ADGRE3: variants seen among roughly 807,000 people sequenced by gnomAD.
ADGRE3 encodes the protein EGF-like module receptor 3.
In ADGRE3, 88 loss-of-function variants were observed where a neutral mutation model predicts 80.1. That is an observed-to-expected ratio of 1.10 (90% CI 0.93 to 1.31). The LOEUF is 1.31. ADGRE3 is among the 40% of genes most tolerant of loss of function. The probability of loss-of-function intolerance (pLI) is 0.00; values close to 1 mark genes in which losing one functional copy is unlikely to be tolerated. For missense variants in ADGRE3, 715 were observed against 776.5 expected, an observed-to-expected ratio of 0.92 and a Z score of 0.94; for synonymous variants, 281 against 294.8, an observed-to-expected ratio of 0.95 and a Z score of 0.48.
chr19:14,628,808 A>G (rs7246698), intron 14 of ADGRE3: 116,291 of 225,974 alleles, frequency 0.51, 30,536 homozygotes, highest in Non-Finnish European at 0.55. Context: ...TGACAGCTTT[A>G]AGGGGCAGAT....
At chr19:14,641,296 A>G in intron 10 of ADGRE3, 123 bp downstream of exon 10, 1 of 1,221,856 alleles carries the variant, frequency 8.2e-7, no homozygotes, top group Non-Finnish European at 1.2e-6. Context: ...GGGTAGCGGG[A>G]AAATTATATT....
downstream of ADGRE3, among the ~76,000 whole-genome samples, chr19:14,615,234 G>T (rs187168366): frequency 7.3e-3 from 840 of 115,704 alleles, 11 homozygotes; most frequent in African/African-American, 0.027. Flanking sequence ...TTGAGATGGA[G>T]TCTCACTCTG....
intron 7 of ADGRE3, 39 bp downstream of exon 7, chr19:14,651,046 C>T (rs776953057): frequency 6.2e-6 from 10 of 1,612,264 alleles, no homozygotes; most frequent in Non-Finnish European, 7.6e-6. Flanking sequence ...AATGACATGG[C>T]TCTGTGTGAA....
At chr19:14,651,357 C>T (rs11670964) in intron 6 of ADGRE3, among the ~76,000 whole-genome samples, 153 bp from the exon 7 acceptor site, 64,573 of 151,880 alleles carry the variant, frequency 0.43, 14,181 homozygotes, top group East Asian at 0.61. Flanking sequence ...TGAGCCCAGG[C>T]AACACAGTGA....
the ADGRE3 span, among the ~76,000 whole-genome samples, chr19:14,603,634 A>T: frequency 6.9e-6 from 1 of 145,910 alleles, no homozygotes; most frequent in African/African-American, 2.5e-5. Flanking sequence ...TAAGTTTTGT[A>T]TTTTTTTTTT....
intron 15 of ADGRE3, among the ~76,000 whole-genome samples, chr19:14,620,550 A>AT (rs1450941328): frequency 2.1e-4 from 4 of 18,958 alleles, no homozygotes; most frequent in Non-Finnish European, 3.6e-4. Context: ...TATATATATT[A>AT]TATATATATA....
At chr19:14,632,654 T>C (rs556246395) in intron 13 of ADGRE3, among the ~76,000 whole-genome samples, 36 of 152,170 alleles carry the variant, frequency 2.4e-4, no homozygotes, top group Non-Finnish European at 4.1e-4. Context: ...AGCTTCTTTA[T>C]TAGCCCTGAA....
chr19:14,642,608 G>T (rs1011253479), intron 9 of ADGRE3, among the ~76,000 whole-genome samples: 1 of 151,960 alleles, frequency 6.6e-6, no homozygotes, highest in African/African-American at 2.4e-5. Flanking sequence ...TGTGTCTGTT[G>T]TTCCCCTCTT....
At chr19:14,613,126 A>G in the ADGRE3 span, among the ~76,000 whole-genome samples, 1 of 151,736 alleles carries the variant, frequency 6.6e-6, no homozygotes, top group South Asian at 2.1e-4. Context: ...GGGCTTTGCC[A>G]TGTTGGCCAG....
At chr19:14,643,377 C>G (rs1234045302) in intron 9 of ADGRE3, among the ~76,000 whole-genome samples, 1 of 151,628 alleles carries the variant, frequency 6.6e-6, no homozygotes. Context: ...ATCTCCTGAC[C>G]TCGTGATCTG....
intron 2 of ADGRE3, among the ~76,000 whole-genome samples, chr19:14,666,321 G>T (rs1972105235): frequency 6.7e-6 from 1 of 150,330 alleles, no homozygotes; most frequent in Non-Finnish European, 1.5e-5. Flanking sequence ...TTGTGATTTC[G>T]ATTTGCATTT....
At chr19:14,644,019 G>GTTTTT in intron 9 of ADGRE3, 89 bp downstream of exon 9, 5 of 673,058 alleles carry the variant, frequency 7.4e-6, no homozygotes, top group Non-Finnish European at 8.2e-6. Context: ...CCTTTTTTCA[G>GTTTTT]TTTTTTTTTT....
intron 11 of ADGRE3, among the ~76,000 whole-genome samples, chr19:14,637,727 C>A (rs1971133965): frequency 6.6e-6 from 1 of 151,944 alleles, no homozygotes; most frequent in Non-Finnish European, 1.5e-5. Context: ...GAGGGCCTTG[C>A]TATATTGCCC....
At chr19:14,656,183 T>C (rs1215302192) in intron 5 of ADGRE3, among the ~76,000 whole-genome samples, 3 of 151,536 alleles carry the variant, frequency 2.0e-5, no homozygotes, top group Middle Eastern at 3.4e-3. Context: ...CCATCTCTAC[T>C]GAAAATACAA....
In ADGRE3 at chr19:14,638,155, A is replaced by G. The variant is rs1599619788; in HGVS notation, c.1434T>C (p.Thr478=). ...FPVGYGVPAV[T]VAISAASWPH... ...GCCAGGAGGCTGCAGAAATGGCCACAGTCACAGCGGGAACGCCATAGCCGA... is the reference window on the plus strand; with the variant it reads ...GCCAGGAGGCTGCAGAAATGGCCACGGTCACAGCGGGAACGCCATAGCCGA... Residue 478 remains threonine, a synonymous_variant, in exon 11 of 16, where the codon ACT becomes ACC. Transcript: ENST00000253673. 1.2e-6 allele frequency: 2 copies of G among 1,614,126 alleles called. No individual in the cohort carries two copies. Among genetic ancestry groups the G allele is most frequent in the East Asian group, 2.2e-5 (1 of 44,874 alleles).
downstream of ADGRE3, among the ~76,000 whole-genome samples, chr19:14,618,396 A>C (rs1216804676): frequency 6.6e-6 from 1 of 151,848 alleles, no homozygotes; most frequent in African/African-American, 2.4e-5. Context: ...TCTCCACTAA[A>C]AATACAAAAT....
At chr19:14,669,489 TA>T (rs1461197807) in intron 1 of ADGRE3, among the ~76,000 whole-genome samples, 2 of 152,092 alleles carry the variant, frequency 1.3e-5, no homozygotes, top group East Asian at 3.9e-4. Context: ...TAATGATTAT[TA>T]TTTTTTTTCT....
At chr19:14,626,261 C>G (rs947826103) in intron 14 of ADGRE3, among the ~76,000 whole-genome samples, 1 of 151,776 alleles carries the variant, frequency 6.6e-6, no homozygotes, top group African/African-American at 2.4e-5. Context: ...ACGGTGAAAC[C>G]CTGTCTCTAC....
intron 9 of ADGRE3, 71 bp from the exon 10 acceptor site, chr19:14,641,687 G>C: frequency 6.4e-7 from 1 of 1,564,046 alleles, no homozygotes; most frequent in Non-Finnish European, 8.7e-7. Context: ...CTTGAACTGG[G>C]GCATCCTAGA....
Sources: allele counts gnomAD v4.1 joint callset (sites outside exome capture counted in the v4.1 genomes callset), GRCh38; gene constraint gnomAD v4.1.1; transcripts MANE v1.5; gene names NCBI Gene and HGNC (gene_info 2026-07-23, HGNC 2026-07-21).